The following KCNN1 variants were observed in gnomAD, a reference collection of about 807,000 sequenced individuals.
The protein encoded by KCNN1 is small conductance calcium-activated potassium channel protein 1.
In KCNN1, 20 loss-of-function variants were observed where a neutral mutation model predicts 44.7. The observed-to-expected ratio is 0.45, with a 90% confidence interval of 0.32 to 0.65. The LOEUF is 0.65. Ranked by LOEUF, KCNN1 falls within the 30% of genes least tolerant of loss-of-function variation. The probability of loss-of-function intolerance (pLI) is 0.05; values close to 1 mark genes in which losing one functional copy is unlikely to be tolerated. For synonymous variants in KCNN1, 324 were observed against 341.7 expected (o/e 0.95, Z 0.57); for missense variants, 632 against 785.3 (o/e 0.80, Z 2.33).
In KCNN1 at chr19:17,983,707, T is replaced by C. The variant is rs969164798; in HGVS notation, c.917+1580T>C. On this transcript the variant is annotated intron_variant, in intron 4 of 9. Transcript: ENST00000684775. This position sits in a 1 kb window ranked among gnomAD's most constrained non-coding sequence, Gnocchi z 4.5. ...CTCTGACCCACCCCCGCCTCCCGCA[T>C]GTCCCCCAGCCGTGCTCCTGGGTGG... Among the ~76,000 whole-genome samples, 3 of 151,484 alleles carry C rather than the reference T, an allele frequency of 2.0e-5. No individual in the cohort carries two copies. Among genetic ancestry groups the C allele is most frequent in the African/African-American group, 7.3e-5 (3 of 41,226 alleles).
intron 7 of KCNN1, among the ~76,000 whole-genome samples, chr19:17,991,772 A>C (rs537102004): frequency 6.6e-6 from 1 of 152,282 alleles, no homozygotes; most frequent in African/African-American, 2.4e-5. Context: ...TTTTTCTGTA[A>C]AGGGCCAGAT....
chr19:17,960,315 C>T (rs1458461304), intron 2 of KCNN1, among the ~76,000 whole-genome samples: 1 of 152,084 alleles, frequency 6.6e-6, no homozygotes, highest in East Asian at 1.9e-4. Flanking sequence ...CACAAATGAC[C>T]ATGAGCTGGA....
chr19:17,969,468 G>T (rs2031934962), intron 1 of KCNN1, among the ~76,000 whole-genome samples: 1 of 152,164 alleles, frequency 6.6e-6, no homozygotes. Flanking sequence ...CCGGTCCACA[G>T]TAATGTGGTG....
chr19:17,968,353 C>G (rs1007373779), intron 1 of KCNN1, among the ~76,000 whole-genome samples: 13 of 149,826 alleles, frequency 8.7e-5, no homozygotes, highest in Non-Finnish European at 3.0e-5. Flanking sequence ...GCATGAAGCT[C>G]TTACAGACTG....
chr19:17,952,575 G>A (rs770976526), intron 1 of KCNN1, among the ~76,000 whole-genome samples: 1 of 152,114 alleles, frequency 6.6e-6, no homozygotes, highest in Non-Finnish European at 1.5e-5. Context: ...CTGGGGAAGC[G>A]CAGACATCCC....
At chr19:17,954,868 T>G (rs968202812) in intron 2 of KCNN1, among the ~76,000 whole-genome samples, 1 of 151,546 alleles carries the variant, frequency 6.6e-6, no homozygotes, top group Non-Finnish European at 1.5e-5. Context: ...CGAAACCCCG[T>G]GTCTACTAAA....
chr19:17,961,859 G>T lies in KCNN1; in HGVS notation c.-82+7178G>T, dbSNP rs575044417. Among the ~76,000 whole-genome samples, 20 of 152,196 alleles carry T rather than the reference G, an allele frequency of 1.3e-4. 1 individual carries two copies. The highest frequency in any genetic ancestry group is 1.2e-3 in the Admixed American group (19 of 15,280). The stretch of plus-strand genomic sequence containing the variant: ...CCGCCTCGGCCTCCCAAAGTGCTGG[G>T]ATTACAGGCATGAGCCACTGAGCCT... On this transcript the variant is annotated intron_variant, in intron 2 of 10. Coordinates refer to the KCNN1 transcript ENST00000222249.
At chr19:17,985,272 A>G in intron 4 of KCNN1, 40 bp from the exon 5 acceptor site, 11 of 1,549,024 alleles carry the variant, frequency 7.1e-6, no homozygotes, top group Non-Finnish European at 9.6e-6. Context: ...AGGGGATGGT[A>G]TAGACTGAGC....
Position 17,998,366 on chromosome 19 carries a change from C to A in KCNN1, c.1592C>A (p.Pro531His). ...GPQDQAARSS[P>H]CRWTPVAPSD... ...CAAGACCAGGCAGCCCGGAGCTCCC[C>A]CTGCCGGTGGACGCCCGTGGCCCCC... Residue 531 changes from proline (P) to histidine (H), a missense_variant, in exon 10 of 10, where the codon CCC becomes CAC. Around this residue, in one of 3 missense-constraint regions of KCNN1, gnomAD observed 237 missense variants for 253.0 expected, o/e 0.94. Coordinates refer to ENST00000684775, the MANE Select transcript of KCNN1 (RefSeq NM_001386974.1). The surrounding 1 kb of genome is among the most constrained non-coding windows in gnomAD (Gnocchi z 5.4). The A allele has an allele frequency of 6.6e-7, 1 of 1,504,272 alleles. No homozygotes were observed. Among genetic ancestry groups the A allele is most frequent in the East Asian group, 2.4e-5 (1 of 40,984 alleles). 93.2% of individuals were successfully genotyped at this position (1,504,272 alleles called of 1,614,324 possible).
At chr19:17,981,165 G>C (rs565274583) in intron 3 of KCNN1, among the ~76,000 whole-genome samples, 2 of 151,546 alleles carry the variant, frequency 1.3e-5, no homozygotes, top group South Asian at 4.2e-4. Flanking sequence ...TGCCAAGATC[G>C]TCTTCATGGT....
At chr19:17,976,715 G>A (rs2032219700) in intron 3 of KCNN1, among the ~76,000 whole-genome samples, 1 of 149,882 alleles carries the variant, frequency 6.7e-6, no homozygotes, top group South Asian at 2.1e-4. Flanking sequence ...ACCGCGCCCA[G>A]CATAACCTTT....
At position 17,974,647 on chromosome 19, in the gene KCNN1, C is replaced by A. The variant is rs1431686742; in HGVS notation, c.402+357C>A. ...GAGTGAGTGCGTCCAGGTTACAAGC[C>A]TGGCTGTGGGTTCCCTCATGCCACC... On this transcript the variant is annotated intron_variant, in intron 2 of 9. Transcript: ENST00000684775. This position sits in a 1 kb window ranked among gnomAD's most constrained non-coding sequence, Gnocchi z 7.3. Among the ~76,000 whole-genome samples the A allele has an allele frequency of 6.6e-6, 1 of 152,154 alleles. No homozygotes were observed. The highest frequency in any genetic ancestry group is 1.5e-5 in the Non-Finnish European group (1 of 68,020).
In KCNN1 at chr19:17,974,381, C is replaced by T. The variant is rs113259833; in HGVS notation, c.402+91C>T. 4.1e-5 allele frequency: 58 copies of T among 1,400,964 alleles called. 1 individual carries two copies. In the African/African-American group the frequency reaches 4.3e-4, roughly 10 times the overall value. 86.8% of individuals were successfully genotyped at this position (1,400,964 alleles called of 1,614,324 possible). The stretch of plus-strand genomic sequence containing the variant: ...TGGGGTTGGGGGTGGCAGGGCCCCC[C>T]GGGAGATAGGGAGTGTTAGGGGGCT... On this transcript the variant is annotated intron_variant, in intron 2 of 9. Transcript: ENST00000684775. This position sits in a 1 kb window ranked among gnomAD's most constrained non-coding sequence, Gnocchi z 7.3.
At chr19:17,976,544 G>C (rs912035287) in intron 3 of KCNN1, among the ~76,000 whole-genome samples, 1 of 150,810 alleles carries the variant, frequency 6.6e-6, no homozygotes, top group Non-Finnish European at 1.5e-5. Context: ...TCAGCCTCCC[G>C]AGCAGCTGGG....
chr19:17,996,910 C>T (rs1438161029), intron 9 of KCNN1, among the ~76,000 whole-genome samples: 1 of 152,226 alleles, frequency 6.6e-6, no homozygotes, highest in African/African-American at 2.4e-5. Flanking sequence ...TCGTCCTGTC[C>T]TGTCTTCCTT....
At position 17,967,161 on chromosome 19, in the gene KCNN1, G is replaced by T; in HGVS notation, c.-238G>T. 1.0e-6 allele frequency: 1 copy of T among 958,786 alleles called. No homozygotes were observed. Among genetic ancestry groups the T allele is most frequent in the Non-Finnish European group, 1.2e-6 (1 of 807,966 alleles). 59.4% of individuals were successfully genotyped at this position (958,786 alleles called of 1,614,324 possible). ...CTGGGCGGCGGGGGATGCGCCTGCC[G>T]CCGCCGCCCCCGGCCCCGCCGCCCC... On this transcript the variant is annotated 5_prime_UTR_variant, in exon 1 of 10. Coordinates refer to ENST00000684775, the MANE Select transcript of KCNN1 (RefSeq NM_001386974.1).
intron 2 of KCNN1, among the ~76,000 whole-genome samples, chr19:17,961,995 G>A (rs2031693344): frequency 6.6e-6 from 1 of 152,198 alleles, no homozygotes; most frequent in South Asian, 2.1e-4. Flanking sequence ...ATTGGGGTTT[G>A]GAGTCAAACC....
At chr19:17,958,456 G>A (rs960859964) in intron 2 of KCNN1, among the ~76,000 whole-genome samples, 5 of 150,850 alleles carry the variant, frequency 3.3e-5, no homozygotes, top group Non-Finnish European at 4.4e-5. Context: ...CCAAACTGCT[G>A]CGAGACAACA....
In KCNN1 at chr19:17,998,229, G is replaced by A. The variant is rs1325809929; in HGVS notation, c.1455G>A (p.Leu485=). 1 of 1,580,476 alleles carries A rather than the reference G, an allele frequency of 6.3e-7. No homozygotes were observed. The highest frequency in any genetic ancestry group is 1.3e-5 in the African/African-American group (1 of 74,322). The change falls in exon 10 of 10, where the codon CTG becomes CTA. Residue 485 remains leucine (L), a synonymous_variant. Coordinates refer to ENST00000684775, the MANE Select transcript of KCNN1 (RefSeq NM_001386974.1). This position sits in a 1 kb window ranked among gnomAD's most constrained non-coding sequence, Gnocchi z 5.4. ...HEELEARLAT[L]ESRLDALGAS... ...AGCTGGAGGCCCGCCTGGCCACCCT[G>A]GAAAGCCGCTTGGATGCGCTGGGTG...
Sources: allele counts gnomAD v4.1 joint callset (sites outside exome capture counted in the v4.1 genomes callset), GRCh38; gene constraint gnomAD v4.1.1; regional missense constraint gnomAD v4.1.1; non-coding constraint Gnocchi (gnomAD v3.1); transcripts MANE v1.5; gene names NCBI Gene and HGNC (gene_info 2026-07-23, HGNC 2026-07-21).